Variants in CFAP299 observed in about 807,000 individuals in gnomAD.
The protein encoded by CFAP299 is cilia- and flagella-associated protein 299.
In CFAP299, 21 loss-of-function variants were observed where a neutral mutation model predicts 27.0. The ratio of observed to expected loss-of-function variants is 0.78; its 90% CI spans 0.55 to 1.12. The LOEUF (loss-of-function observed/expected upper bound fraction) is 1.12. CFAP299 is among the 50% of genes most tolerant of loss of function. The probability of loss-of-function intolerance (pLI) is 0.00; values close to 1 mark genes in which losing one functional copy is unlikely to be tolerated. For missense variants in CFAP299, 310 were observed against 276.6 expected, an observed-to-expected ratio of 1.12 and a Z score of -0.86; for synonymous variants, 104 against 98.1, an observed-to-expected ratio of 1.06 and a Z score of -0.36.
intron 2 of CFAP299, among the ~76,000 whole-genome samples, chr4:80,548,371 G>C (rs1279412190): frequency 3.3e-5 from 5 of 152,076 alleles, no homozygotes; most frequent in African/African-American, 1.2e-4. Context: ...ATAGGTACTA[G>C]GTAGGGACAG....
intron 2 of CFAP299, among the ~76,000 whole-genome samples, chr4:80,549,896 G>A (rs1296398854): frequency 6.6e-6 from 1 of 151,720 alleles, no homozygotes; most frequent in Admixed American, 6.6e-5. Context: ...CACTTTCATT[G>A]TTACAAGGTA....
At chr4:80,715,333 A>G (rs957646340) in intron 3 of CFAP299, among the ~76,000 whole-genome samples, 52 of 152,214 alleles carry the variant, frequency 3.4e-4, no homozygotes, top group Non-Finnish European at 5.9e-4. Flanking sequence ...AGGGGGAAAA[A>G]GGACAAGTTG....
chr4:80,892,361 T>C (rs1283262299), intron 4 of CFAP299, among the ~76,000 whole-genome samples: 1 of 152,188 alleles, frequency 6.6e-6, no homozygotes, highest in East Asian at 1.9e-4. Flanking sequence ...CAAATCAAAA[T>C]TGATTAAAAA....
At chr4:80,524,609 G>A (rs1733082456) in intron 2 of CFAP299, among the ~76,000 whole-genome samples, 1 of 152,004 alleles carries the variant, frequency 6.6e-6, no homozygotes, top group African/African-American at 2.4e-5. Flanking sequence ...GTGTCTTAAG[G>A]AATTTCAAAT....
chr4:80,794,388 C>T (rs1404738564), intron 3 of CFAP299, among the ~76,000 whole-genome samples: 1 of 152,170 alleles, frequency 6.6e-6, no homozygotes, highest in Non-Finnish European at 1.5e-5. Context: ...ACTTCCACTT[C>T]CACCCCTTGA....
intron 2 of CFAP299, among the ~76,000 whole-genome samples, chr4:80,492,145 G>A (rs1180091832): frequency 6.6e-6 from 1 of 152,136 alleles, no homozygotes; most frequent in Non-Finnish European, 1.5e-5. Flanking sequence ...TCCCGACTTT[G>A]AGTTGTTCCA....
intron 4 of CFAP299, among the ~76,000 whole-genome samples, chr4:80,922,626 A>G (rs1381497632): frequency 6.6e-6 from 1 of 151,976 alleles, no homozygotes; most frequent in African/African-American, 2.4e-5. Flanking sequence ...TATCTACATG[A>G]TATACATGTT....
chr4:80,586,376 G>A (rs1471938498), intron 3 of CFAP299, among the ~76,000 whole-genome samples: 1 of 152,070 alleles, frequency 6.6e-6, no homozygotes, highest in African/African-American at 2.4e-5. Flanking sequence ...GATTGGATTT[G>A]AATTTCTCTT....
At chr4:80,870,916 T>C in intron 4 of CFAP299, 2 of 981,674 alleles carry the variant, frequency 2.0e-6, no homozygotes, top group South Asian at 9.4e-5. Flanking sequence ...TTTTGATTTG[T>C]TTGTTTTTGA....
intron 3 of CFAP299, among the ~76,000 whole-genome samples, chr4:80,731,191 T>C (rs945956676): frequency 6.6e-6 from 1 of 152,208 alleles, no homozygotes; most frequent in Non-Finnish European, 1.5e-5. Context: ...ATTTATTTTA[T>C]TTTATTTTAA....
intron 3 of CFAP299, among the ~76,000 whole-genome samples, chr4:80,758,581 C>G (rs1725382854): frequency 6.6e-6 from 1 of 152,220 alleles, no homozygotes; most frequent in East Asian, 1.9e-4. Context: ...TCTCTTCTGC[C>G]CAGAATTTCT....
At chr4:80,536,563 A>G in intron 2 of CFAP299, among the ~76,000 whole-genome samples, 1 of 152,126 alleles carries the variant, frequency 6.6e-6, no homozygotes, top group Non-Finnish European at 1.5e-5. Context: ...ATAAATCCCC[A>G]CATTTACAGT....
chr4:80,645,492 T>C lies in CFAP299; in HGVS notation c.333+62309T>C, dbSNP rs117501684. ...CAGATTTGATACATAAATACACACA[T>C]ATGTAGGTGTATCTGTTTGTATCTA... On this transcript the variant is annotated intron_variant, in intron 3 of 5. Coordinates refer to ENST00000358105, the MANE Select transcript of CFAP299 (RefSeq NM_152770.3). Among the ~76,000 whole-genome samples the C allele has an allele frequency of 3.4e-3, 519 of 152,242 alleles. 4 individuals carry two copies. The East Asian group carries it at 0.039, about 12-fold the overall frequency.
intron 3 of CFAP299, among the ~76,000 whole-genome samples, chr4:80,695,000 A>G (rs1720996559): frequency 6.6e-6 from 1 of 152,206 alleles, no homozygotes; most frequent in Admixed American, 6.5e-5. Context: ...CCAAATCATT[A>G]GGGTTTTCTA....
chr4:80,755,487 G>A (rs1250850323), intron 3 of CFAP299, among the ~76,000 whole-genome samples: 1 of 152,016 alleles, frequency 6.6e-6, no homozygotes, highest in Non-Finnish European at 1.5e-5. Context: ...TAGAACAAAT[G>A]CATGGAAGAC....
At chr4:80,847,249 G>T (rs1731234846) in intron 3 of CFAP299, among the ~76,000 whole-genome samples, 1 of 152,164 alleles carries the variant, frequency 6.6e-6, no homozygotes, top group Non-Finnish European at 1.5e-5. Flanking sequence ...CATGAGACCA[G>T]GCTCTGGCCC....
chr4:80,578,731 G>A (rs927787896), intron 2 of CFAP299, among the ~76,000 whole-genome samples: 15 of 152,150 alleles, frequency 9.9e-5, no homozygotes, highest in African/African-American at 3.6e-4. Flanking sequence ...TCAGAAAAAT[G>A]TGGTTGTTTG....
intron 2 of CFAP299, chr4:80,387,402 A>G: frequency 9.6e-7 from 1 of 1,042,326 alleles, no homozygotes; most frequent in Non-Finnish European, 1.5e-6. Flanking sequence ...TAGGTGCTGA[A>G]CTTGCTGGGG....
intron 2 of CFAP299, among the ~76,000 whole-genome samples, chr4:80,391,221 T>C (rs1379389798): frequency 6.6e-6 from 1 of 152,120 alleles, no homozygotes. Context: ...ATAATTTCAT[T>C]TCCTTGTATA....
Sources: gnomAD v4.1 joint callset for allele counts (sites outside exome capture counted in the v4.1 genomes callset) on GRCh38, gnomAD v4.1.1 for gene constraint, MANE v1.5 for transcripts, NCBI Gene and HGNC (gene_info 2026-07-23, HGNC 2026-07-21) for gene names.